RBPJL: variants seen among roughly 807,000 people sequenced by gnomAD.
RBPJL encodes recombining binding protein suppressor of hairless-like protein.
Under a neutral mutation model 57.6 loss-of-function variants are expected in RBPJL, and 50 were observed. The observed-to-expected ratio is 0.87, with a 90% CI of 0.69 to 1.10. The LOEUF (loss-of-function observed/expected upper bound fraction) is 1.10. Ranked by LOEUF, RBPJL falls within the 50% of genes least tolerant of loss-of-function variation. RBPJL has a pLI of 0.00. For synonymous variants in RBPJL, 303 were observed against 294.4 expected (o/e 1.03, Z -0.30); for missense variants, 684 against 693.7 (o/e 0.99, Z 0.16).
chr20:45,308,378 A>G, intron 2 of RBPJL, 127 bp downstream of exon 2: 1 of 645,808 alleles, frequency 1.5e-6, no homozygotes. Flanking sequence ...AACCCCTCCC[A>G]CTGGCAGGGA....
chr20:45,316,171 T>G lies in RBPJL; in HGVS notation c.1021-16T>G. On this transcript the variant is annotated splice_polypyrimidine_tract_variant and intron_variant, in intron 9 of 11. Coordinates refer to ENST00000343694, the MANE Select transcript of RBPJL (RefSeq NM_014276.4). ...CATGAGAAGCTTCGGCCTCGTCCCC[T>G]TGGGTCTCCTCCCAGGCCTCTCCCT... 1.2e-6 allele frequency: 2 copies of G among 1,610,110 alleles called. No individual in the cohort carries two copies. Among genetic ancestry groups the G allele is most frequent in the Non-Finnish European group, 1.7e-6 (2 of 1,176,698 alleles).
rs199655947 is a variant in RBPJL, at chr20:45,316,630, G to C, written c.1280+50G>C. The stretch of plus-strand genomic sequence containing the variant: ...CTTGGGCCCCGGGGAGCAGGGGAAG[G>C]GGGTGCACGCGTCGTCGGAGTCGCC... On this transcript the variant is annotated intron_variant, in intron 11 of 11. Coordinates refer to ENST00000343694, the MANE Select transcript of RBPJL (RefSeq NM_014276.4). The C allele has an allele frequency of 3.9e-6, 6 of 1,525,576 alleles. No homozygotes were observed. In the East Asian group the frequency reaches 1.2e-4, roughly 31 times the overall value. The allele number at this position is 1,525,576 out of a possible 1,614,324, so 94.5% of individuals were successfully genotyped here.
rs200856302 is a variant in RBPJL at position 45,316,474 on chromosome 20, C to A, written c.1177-3C>A. The A allele has an allele frequency of 6.5e-7, 1 of 1,549,250 alleles. No individual in the cohort carries two copies. Among genetic ancestry groups the A allele is most frequent in the Non-Finnish European group, 8.7e-7 (1 of 1,146,638 alleles). Reference sequence around the variant, plus strand: ...CACCTCACCTGGTCCCACCCTCCCCCAGCTGAGCGGCGGGGGCGACGTGGC... The same window carrying A: ...CACCTCACCTGGTCCCACCCTCCCCAAGCTGAGCGGCGGGGGCGACGTGGC... On this transcript the variant is annotated splice_region_variant and splice_polypyrimidine_tract_variant and intron_variant, in intron 10 of 11. Transcript: ENST00000343694.
chr20:45,312,441 AC>A, intron 6 of RBPJL, 46 bp downstream of exon 6: 1 of 1,582,982 alleles, frequency 6.3e-7, no homozygotes, highest in Non-Finnish European at 8.6e-7. Flanking sequence ...GGGAGGTGCA[AC>A]CAAGCCCAGA....
At chr20:45,314,799 A>G (rs1237862991) in intron 9 of RBPJL, among the ~76,000 whole-genome samples, 3 of 152,216 alleles carry the variant, frequency 2.0e-5, no homozygotes, top group Non-Finnish European at 4.4e-5. Context: ...ATATTGGGAT[A>G]TAGCCAGGTG....
chr20:45,315,570 C>G (rs895245271), intron 9 of RBPJL, among the ~76,000 whole-genome samples: 7 of 151,906 alleles, frequency 4.6e-5, no homozygotes, highest in African/African-American at 1.7e-4. Context: ...GAAACCCTGT[C>G]TCTACTAAAA....
chr20:45,316,364 G>T lies in RBPJL; in HGVS notation c.1176+22G>T. 5 of 1,612,454 alleles carry T rather than the reference G, an allele frequency of 3.1e-6. No individual in the cohort carries two copies. In the South Asian group the frequency reaches 4.4e-5, roughly 14 times the overall value. On this transcript the variant is annotated intron_variant, in intron 10 of 11. Transcript: ENST00000343694. ...AGAGGTGAAGCCGGGCGCTAGGGGC[G>T]TTGGGCAGGGGGACCCTGCCTGCAC...
chr20:45,314,170 A>G (rs371475072), intron 8 of RBPJL, 26 bp downstream of exon 8: 3 of 1,582,892 alleles, frequency 1.9e-6, no homozygotes, highest in Non-Finnish European at 2.6e-6. Flanking sequence ...GCATGCCTGG[A>G]GGGGTCCCCT....
Position 45,314,505 on chromosome 20 carries a change from TC to T in RBPJL, c.965del (p.Pro322GlnfsTer70), listed in dbSNP as rs1484520401. ...AGTGTGCATTCCAGTTTCCAGGCAG[TC>T]CCCCAGGAGGGGGTGGCACCTACTT... ...HKCAFQFPGS[P>X]PGGGGTYLCL... On this transcript the variant is annotated frameshift_variant, in exon 9 of 12. Transcript: ENST00000343694. LOFTEE classifies it high-confidence loss of function. The T allele has an allele frequency of 6.2e-7, 1 of 1,613,898 alleles. No individual in the cohort carries two copies. Among genetic ancestry groups the T allele is most frequent in the Admixed American group, 1.7e-5 (1 of 60,002 alleles).
Position 45,317,000 on chromosome 20 carries a change from G to T in RBPJL, c.*41G>T. The T allele has an allele frequency of 6.3e-7, 1 of 1,579,040 alleles. No individual in the cohort carries two copies. The highest frequency in any genetic ancestry group is 8.6e-7 in the Non-Finnish European group (1 of 1,161,622). On this transcript the variant is annotated 3_prime_UTR_variant, in exon 12 of 12. Transcript: ENST00000343694. ...CCGGCTGCCCACCCTGGAGGGCTGC[G>T]CCCGCGCCAGGCGCGGGGACGTGTT...
intron 5 of RBPJL, 120 bp from the exon 6 acceptor site, chr20:45,312,101 C>T: frequency 1.3e-6 from 2 of 1,513,328 alleles, no homozygotes; most frequent in African/African-American, 1.4e-5. Flanking sequence ...AGCCTGAGAG[C>T]CTGGATGGTG....
In RBPJL at chr20:45,311,730, G is replaced by A; in HGVS notation, c.328+71G>A. ...GACCACGAGATTGGGCCCGAGACGG[G>A]GCGGTTCGCAGGCGCAGTCTCCCCG... On this transcript the variant is annotated intron_variant, in intron 4 of 11. Coordinates refer to ENST00000343694, the MANE Select transcript of RBPJL (RefSeq NM_014276.4). 8 of 1,583,524 alleles carry A rather than the reference G, an allele frequency of 5.1e-6. No homozygotes were observed. In the South Asian group the frequency reaches 5.6e-5, roughly 11 times the overall value.
intron 1 of RBPJL, among the ~76,000 whole-genome samples, 171 bp downstream of exon 1, chr20:45,307,115 T>C (rs1986776740): frequency 6.6e-6 from 1 of 151,296 alleles, no homozygotes; most frequent in Non-Finnish European, 1.5e-5. Context: ...CTTCTCTCTC[T>C]TGAGGCCCCC....
At position 45,317,095 on chromosome 20, in the gene RBPJL, C is replaced by T. The variant is rs1463475121; in HGVS notation, c.*136C>T. ...GCAGCTGAAGGCTCACCCTAGAAAC[C>T]GGGCCTGGTGGGTCTTACCCGGCTC... On this transcript the variant is annotated 3_prime_UTR_variant, in exon 12 of 12. Coordinates refer to ENST00000343694, the MANE Select transcript of RBPJL (RefSeq NM_014276.4). The T allele has an allele frequency of 1.8e-6, 2 of 1,121,264 alleles. No homozygotes were observed. The highest frequency in any genetic ancestry group is 3.1e-5 in the African/African-American group (2 of 64,172). 69.5% of individuals were successfully genotyped at this position (1,121,264 alleles called of 1,614,324 possible).
In RBPJL at chr20:45,316,868, T is replaced by G. The variant is rs772126856; in HGVS notation, c.1463T>G (p.Val488Gly). Reference protein sequence around the residue: ...EYSVRPGHPGVPEPATDADAL... With the variant: ...EYSVRPGHPGGPEPATDADAL... The stretch of plus-strand genomic sequence containing the variant: ...AGCGTGCGGCCGGGTCACCCCGGCG[T>G]CCCCGAGCCCGCCACCGACGCCGAC... The change falls in exon 12 of 12, where the codon GTC (valine) becomes GGC (glycine). Residue 488 changes from valine (V) to glycine (G), a missense_variant. By Grantham distance (109) the Val-to-Gly change is moderately radical. Coordinates refer to ENST00000343694, the MANE Select transcript of RBPJL (RefSeq NM_014276.4). The G allele has an allele frequency of 6.2e-7, 1 of 1,613,466 alleles. No individual in the cohort carries two copies. Among genetic ancestry groups the G allele is most frequent in the South Asian group, 1.1e-5 (1 of 91,054 alleles).
At chr20:45,313,713 C>A in intron 7 of RBPJL, 108 bp downstream of exon 7, 1 of 1,206,292 alleles carries the variant, frequency 8.3e-7, no homozygotes, top group Non-Finnish European at 1.1e-6. Flanking sequence ...GTGATTAAGG[C>A]TCAGAAACAC....
At position 45,314,429 on chromosome 20, in the gene RBPJL, C is replaced by T. The variant is rs766702445; in HGVS notation, c.884C>T (p.Ala295Val). 1 of 1,613,814 alleles carries T rather than the reference C, an allele frequency of 6.2e-7. No individual in the cohort carries two copies. Among genetic ancestry groups the T allele is most frequent in the East Asian group, 2.2e-5 (1 of 44,874 alleles). The change falls in exon 9 of 12, where the codon GCA (alanine) becomes GTA (valine). Residue 295 changes from alanine to valine, a missense_variant. Ala to Val is a moderately conservative substitution (Grantham distance 64). Coordinates refer to ENST00000343694, the MANE Select transcript of RBPJL (RefSeq NM_014276.4). Reference sequence around the variant, plus strand: ...CCATTGCAGATCATCCGTAAAGTAGCAAAACAGTGTGCGCTCCTTGATGTG... The same window carrying T: ...CCATTGCAGATCATCCGTAAAGTAGTAAAACAGTGTGCGCTCCTTGATGTG... The part of the protein sequence containing the change: ...TLPPMIIRKV[A>V]KQCALLDVDE...
In RBPJL at chr20:45,316,262, T is replaced by G. The variant is rs754002671; in HGVS notation, c.1096T>G (p.Ser366Ala). ...TTGCTGGACCATCATCGGCACCGAG[T>G]CGGTGGAATTTTCCTTCAGCACCAG... ...SSCWTIIGTE[S>A]VEFSFSTSLA... Residue 366 changes from serine to alanine, a missense_variant, in exon 10 of 12, where the codon TCG becomes GCG. Physicochemically the swap from Ser to Ala is moderately conservative, Grantham distance 99. Coordinates refer to ENST00000343694, the MANE Select transcript of RBPJL (RefSeq NM_014276.4). The G allele has an allele frequency of 5.0e-6, 8 of 1,614,000 alleles. No individual in the cohort carries two copies. The highest frequency in any genetic ancestry group is 5.9e-6 in the Non-Finnish European group (7 of 1,180,012).
Position 45,312,214 on chromosome 20 carries a change from C to T in RBPJL, c.445-7C>T, listed in dbSNP as rs374007795. 15 of 1,613,932 alleles carry T rather than the reference C, an allele frequency of 9.3e-6. No homozygotes were observed. In the African/African-American group the frequency reaches 2.0e-4, roughly 22 times the overall value. On this transcript the variant is annotated splice_polypyrimidine_tract_variant and splice_region_variant and intron_variant, in intron 5 of 11. Coordinates refer to ENST00000343694, the MANE Select transcript of RBPJL (RefSeq NM_014276.4). ...ATGAGATGGCCCTGTACCTGTGAGC[C>T]CCCTAGGAATTCGGCTGCGCCAAGA...
Sources: gnomAD v4.1 joint callset for allele counts (sites outside exome capture counted in the v4.1 genomes callset) on GRCh38, gnomAD v4.1.1 for gene constraint, MANE v1.5 for transcripts, NCBI Gene and HGNC (gene_info 2026-07-23, HGNC 2026-07-21) for gene names.